AFF2: variants seen among roughly 807,000 people sequenced by gnomAD.
AFF2 encodes ALF transcription elongation factor 2, also known as AF4/FMR2 family member 2.
Under a neutral mutation model 76.9 loss-of-function variants are expected in AFF2, and 14 were observed. The observed-to-expected ratio is 0.18, with a 90% CI of 0.12 to 0.28. The LOEUF is 0.28. AFF2 is among the 10% of genes least tolerant of loss of function. The pLI is 1.00. For missense variants in AFF2, 868 were observed against 1,001.1 expected (o/e 0.87, Z 1.79); for synonymous variants, 398 against 366.7 (o/e 1.09, Z -0.98).
intron 9 of AFF2, among the ~76,000 whole-genome samples, chrX:148,918,566 G>A (rs1200293036): frequency 2.7e-5 from 3 of 111,428 alleles, no homozygotes; most frequent in South Asian, 3.8e-4. Context: ...ACAGCACAGC[G>A]TAGCACAACT....
In AFF2 at chrX:148,810,755, T is replaced by C. The variant is rs188280844; in HGVS notation, c.1086+835T>C. 3.5e-3 allele frequency among the ~76,000 whole-genome samples: 391 copies of C among 112,011 alleles called. 5 individuals carry two copies. In the Admixed American group the frequency reaches 0.036, roughly 10 times the overall value. ...CAAGTGGTATATAAATGCTGGCTATTGTGATAAATGATGACCAGTGTAGTC... is the reference window on the plus strand; with the variant it reads ...CAAGTGGTATATAAATGCTGGCTATCGTGATAAATGATGACCAGTGTAGTC... On this transcript the variant is annotated intron_variant, in intron 4 of 20. Transcript: ENST00000370460.
At chrX:148,843,222 G>A (rs782192934) in intron 6 of AFF2, among the ~76,000 whole-genome samples, 160 bp from the exon 7 acceptor site, 46 of 108,553 alleles carry the variant, frequency 4.2e-4, no homozygotes, top group Non-Finnish European at 7.1e-4. Context: ...TTCCAGTCCC[G>A]TGATATATCT....
At chrX:148,909,453 C>T (rs1201289157) in intron 9 of AFF2, among the ~76,000 whole-genome samples, 1 of 111,710 alleles carries the variant, frequency 9.0e-6, no homozygotes, top group African/African-American at 3.3e-5. Context: ...AGTTTTGCCT[C>T]CCTCCCCTAT....
At chrX:148,755,727 C>CATCT (rs782063635) in intron 3 of AFF2, among the ~76,000 whole-genome samples, 7 of 110,756 alleles carry the variant, frequency 6.3e-5, no homozygotes, top group Middle Eastern at 4.7e-3. Flanking sequence ...TCTATCTATC[C>CATCT]ATCTATCTAT....
At chrX:148,886,927 C>T (rs1396521929) in intron 8 of AFF2, among the ~76,000 whole-genome samples, 2 of 112,299 alleles carry the variant, frequency 1.8e-5, no homozygotes, top group Non-Finnish European at 3.8e-5. Context: ...GAAGAGCCTA[C>T]AAAGAAAAGC....
intron 3 of AFF2, among the ~76,000 whole-genome samples, chrX:148,681,781 GTC>G (rs782138119): frequency 1.8e-5 from 2 of 110,991 alleles, no homozygotes; most frequent in Non-Finnish European, 3.8e-5. Context: ...CTTTAGTAGT[GTC>G]TCTGTTTTTA....
At chrX:148,584,033 A>G (rs947455981) in intron 1 of AFF2, among the ~76,000 whole-genome samples, 5 of 112,201 alleles carry the variant, frequency 4.5e-5, no homozygotes, top group Non-Finnish European at 1.9e-5. Context: ...TTCATTTGAA[A>G]TATACTTAAG....
intron 9 of AFF2, 88 bp from the exon 10 acceptor site, chrX:148,953,492 C>T (rs2071993764): frequency 3.9e-6 from 4 of 1,021,535 alleles, no homozygotes; most frequent in Non-Finnish European, 5.3e-6. Flanking sequence ...CTGCATTTCA[C>T]AGACCACAGG....
chrX:148,689,337 C>A (rs1244486704), intron 3 of AFF2, among the ~76,000 whole-genome samples: 2 of 111,477 alleles, frequency 1.8e-5, no homozygotes, highest in Non-Finnish European at 3.8e-5. Context: ...TTTCAACATA[C>A]AAATTTGGAA....
At chrX:148,840,596 T>A (rs782173628) in intron 5 of AFF2, among the ~76,000 whole-genome samples, 1 of 112,926 alleles carries the variant, frequency 8.9e-6, no homozygotes, top group Non-Finnish European at 1.9e-5. Context: ...GAACTTGGCA[T>A]CATTATATTC....
chrX:148,820,307 A>G (rs782235699), intron 4 of AFF2, among the ~76,000 whole-genome samples: 1 of 111,700 alleles, frequency 9.0e-6, no homozygotes, highest in South Asian at 3.7e-4. Context: ...TTAGAGGGAC[A>G]CTGGTAATTT....
chrX:148,762,833 C>T (rs2069468614), intron 3 of AFF2, among the ~76,000 whole-genome samples: 1 of 111,515 alleles, frequency 9.0e-6, no homozygotes, highest in South Asian at 3.8e-4. Context: ...CCTGATCTCA[C>T]CATCCATATT....
chrX:148,825,154 C>T (rs1800721931), intron 4 of AFF2, among the ~76,000 whole-genome samples: 1 of 111,504 alleles, frequency 9.0e-6, no homozygotes, highest in Non-Finnish European at 1.9e-5. Context: ...GAGCTTTGTT[C>T]CTGCTACATG....
In AFF2 at chrX:148,996,365, G is replaced by T. The variant is rs2072599264; in HGVS notation, c.*5033G>T. 1.8e-5 allele frequency: 2 copies of T among 112,818 alleles called. No individual in the cohort carries two copies. Among genetic ancestry groups the T allele is most frequent in the African/African-American group, 6.4e-5 (2 of 31,065 alleles). 9.3% of individuals were successfully genotyped at this position (112,818 alleles called of 1,213,427 possible). A position where few individuals can be genotyped will look rare whatever the true frequency, so the allele number is the denominator to read the frequency against. On this transcript the variant is annotated 3_prime_UTR_variant, in exon 21 of 21. Transcript: ENST00000370460. ...AGAAAGCACCTGGTTTGCACCATTT[G>T]CCAATTTCCATGGCATAAATACTAC...
At chrX:148,863,031 C>T (rs2070867692) in intron 7 of AFF2, among the ~76,000 whole-genome samples, 1 of 111,168 alleles carries the variant, frequency 9.0e-6, no homozygotes, top group Non-Finnish European at 1.9e-5. Context: ...TTATAATACG[C>T]ATGTTTGGAA....
At chrX:148,920,311 T>C (rs2071578649) in intron 9 of AFF2, among the ~76,000 whole-genome samples, 1 of 111,919 alleles carries the variant, frequency 8.9e-6, no homozygotes, top group Non-Finnish European at 1.9e-5. Context: ...ATCATGTTAG[T>C]TTATCCTGAC....
intron 1 of AFF2, among the ~76,000 whole-genome samples, chrX:148,586,755 A>G (rs1557245972): frequency 9.0e-6 from 1 of 111,630 alleles, no homozygotes; most frequent in Non-Finnish European, 1.9e-5. Context: ...AGTTTAAACC[A>G]TAGGATCACA....
chrX:148,696,881 T>C (rs1240537416), intron 3 of AFF2, among the ~76,000 whole-genome samples: 4 of 112,001 alleles, frequency 3.6e-5, no homozygotes, highest in Admixed American at 9.5e-5. Context: ...CCAGAGGCAA[T>C]TTTTGGGTAG....
At chrX:148,542,113 A>G (rs1352716644) in intron 1 of AFF2, among the ~76,000 whole-genome samples, 3 of 110,011 alleles carry the variant, frequency 2.7e-5, no homozygotes, top group African/African-American at 9.9e-5. Context: ...AAAAATATTT[A>G]TTTAGCTAAT....
Sources: allele counts gnomAD v4.1 joint callset (sites outside exome capture counted in the v4.1 genomes callset), GRCh38; gene constraint gnomAD v4.1.1; transcripts MANE v1.5; gene names NCBI Gene and HGNC (gene_info 2026-07-23, HGNC 2026-07-21).